The following ELMO1 variants were observed in gnomAD, a reference collection of about 807,000 sequenced individuals.
ELMO1 encodes engulfment and cell motility protein 1.
Under a neutral mutation model 98.9 loss-of-function variants are expected in ELMO1, and 26 were observed. The ratio of observed to expected loss-of-function variants is 0.26; its 90% CI spans 0.19 to 0.36. ELMO1 has a LOEUF of 0.36. Ranked by LOEUF, ELMO1 falls within the 10% of genes least tolerant of loss-of-function variation. The pLI is 1.00. For synonymous variants in ELMO1, 346 were observed against 346.0 expected (o/e 1.00, Z 0.00); for missense variants, 627 against 935.2 (o/e 0.67, Z 4.30).
At position 37,375,942 on chromosome 7, in the gene ELMO1, A is replaced by G. The variant is rs1583649129; in HGVS notation, c.-73-33179T>C. ...CTGTGCCTCCTGGTGCCAACAAGAAAGTAGAGGCTGGGGCTGGGTCAGCAA... is the reference window on the plus strand; with the variant it reads ...CTGTGCCTCCTGGTGCCAACAAGAAGGTAGAGGCTGGGGCTGGGTCAGCAA... On this transcript the variant is annotated intron_variant, in intron 1 of 21. Coordinates refer to ENST00000310758, the MANE Select transcript of ELMO1 (RefSeq NM_014800.11). The G allele has an allele frequency of 4.8e-6, 3 of 629,292 alleles. No homozygotes were observed. The South Asian group carries it at 5.0e-5, about 10-fold the overall frequency. The allele number at this position is 629,292 out of a possible 1,614,324, so 39.0% of individuals were successfully genotyped here.
intron 11 of ELMO1, among the ~76,000 whole-genome samples, chr7:37,214,784 A>G (rs1468457511): frequency 6.6e-6 from 1 of 152,188 alleles, no homozygotes; most frequent in Non-Finnish European, 1.5e-5. Flanking sequence ...TTTCTTAGCA[A>G]CTCGAAAGTA....
intron 14 of ELMO1, among the ~76,000 whole-genome samples, chr7:37,111,098 G>A (rs1169879019): frequency 1.3e-5 from 2 of 152,160 alleles, no homozygotes; most frequent in East Asian, 3.8e-4. Context: ...ATCCTCTTTT[G>A]TTTGTACCTC....
At chr7:37,238,453 T>G (rs1331063494) in intron 7 of ELMO1, among the ~76,000 whole-genome samples, 2 of 152,204 alleles carry the variant, frequency 1.3e-5, no homozygotes, top group Non-Finnish European at 2.9e-5. Flanking sequence ...GCAGTTTCTT[T>G]GTAGATTCCT....
chr7:37,379,031 C>T (rs1325005882), intron 1 of ELMO1, among the ~76,000 whole-genome samples: 2 of 150,258 alleles, frequency 1.3e-5, no homozygotes, highest in African/African-American at 4.9e-5. Flanking sequence ...CTTTATCTTG[C>T]ATCACATTCT....
intron 16 of ELMO1, among the ~76,000 whole-genome samples, chr7:36,925,764 A>C (rs1335824411): frequency 6.6e-6 from 1 of 152,206 alleles, no homozygotes; most frequent in Non-Finnish European, 1.5e-5. Context: ...CCTGGCTATT[A>C]CCTCTGACAA....
chr7:36,913,870 C>A (rs1784505733), intron 16 of ELMO1, among the ~76,000 whole-genome samples: 1 of 152,154 alleles, frequency 6.6e-6, no homozygotes, highest in Admixed American at 6.5e-5. Context: ...CTTTGACAGT[C>A]TCTCAATATA....
intron 13 of ELMO1, among the ~76,000 whole-genome samples, chr7:37,159,634 G>A (rs1348408831): frequency 6.6e-6 from 1 of 152,110 alleles, no homozygotes; most frequent in African/African-American, 2.4e-5. Context: ...AGGAGGCAGA[G>A]GTTGCTGTGA....
rs539811916 is a variant in ELMO1, at chr7:37,342,822, T to G, written c.-73-59A>C. On this transcript the variant is annotated intron_variant, in intron 1 of 21. Transcript: ENST00000310758. The surrounding 1 kb of genome is among the most constrained non-coding windows in gnomAD (Gnocchi z 4.3). ...CACTCAGTGCAGATGCAGGGTGAAT[T>G]TTGCTTCATCACTTCCTGTTTTCAC... 3.6e-6 allele frequency: 3 copies of G among 830,068 alleles called. No individual in the cohort carries two copies. The South Asian group carries it at 5.5e-5, about 15-fold the overall frequency. 51.4% of individuals were successfully genotyped at this position (830,068 alleles called of 1,614,324 possible). A position where few individuals can be genotyped will look rare whatever the true frequency, so the allele number is the denominator to read the frequency against.
chr7:37,133,332 G>T, intron 13 of ELMO1, 98 bp from the exon 14 acceptor site: 1 of 835,852 alleles, frequency 1.2e-6, no homozygotes, highest in Admixed American at 2.7e-5. Flanking sequence ...AGTGCTACAA[G>T]GTAAGGTCCA....
intron 16 of ELMO1, among the ~76,000 whole-genome samples, chr7:36,954,260 A>G (rs762756628): frequency 2.6e-5 from 4 of 152,168 alleles, no homozygotes; most frequent in Non-Finnish European, 5.9e-5. Context: ...GAGGTTTGGA[A>G]AGTAAGGGAA....
chr7:37,231,573 CTGT>C (rs1794178681), intron 8 of ELMO1, among the ~76,000 whole-genome samples: 2 of 152,146 alleles, frequency 1.3e-5, no homozygotes, highest in African/African-American at 4.8e-5. Flanking sequence ...AAATAACTGA[CTGT>C]TAACTTTCAA....
chr7:37,228,668 G>A (rs181859320), intron 8 of ELMO1, among the ~76,000 whole-genome samples: 1 of 152,306 alleles, frequency 6.6e-6, no homozygotes, highest in African/African-American at 2.4e-5. Context: ...GAATCACTTA[G>A]AATGAGATCT....
chr7:36,998,107 T>C (rs1792356553), intron 16 of ELMO1, among the ~76,000 whole-genome samples: 1 of 151,618 alleles, frequency 6.6e-6, no homozygotes, highest in Non-Finnish European at 1.5e-5. Context: ...GGTATATTTT[T>C]AGGCTGAAGA....
chr7:37,168,441 C>T (rs955920577), intron 13 of ELMO1, among the ~76,000 whole-genome samples: 7 of 152,144 alleles, frequency 4.6e-5, no homozygotes, highest in Admixed American at 2.0e-4. Context: ...AGTTTTTCTG[C>T]TCTGTTTTTT....
intron 16 of ELMO1, among the ~76,000 whole-genome samples, chr7:37,004,120 TA>T (rs1300556569): frequency 6.6e-6 from 1 of 152,220 alleles, no homozygotes; most frequent in Non-Finnish European, 1.5e-5. Flanking sequence ...CACCTAATGG[TA>T]CCCTTCTTAG....
intron 15 of ELMO1, among the ~76,000 whole-genome samples, chr7:37,074,450 A>T (rs567273701): frequency 6.6e-6 from 1 of 152,334 alleles, no homozygotes; most frequent in African/African-American, 2.4e-5. Flanking sequence ...TCACCAGATC[A>T]ATAAACTCCC....
chr7:37,159,681 A>G (rs904814139), intron 13 of ELMO1, among the ~76,000 whole-genome samples: 1 of 152,178 alleles, frequency 6.6e-6, no homozygotes, highest in African/African-American at 2.4e-5. Flanking sequence ...CCAGGGTGAC[A>G]CAGCGAGACT....
At chr7:36,956,425 T>C (rs1447465454) in intron 16 of ELMO1, among the ~76,000 whole-genome samples, 3 of 152,200 alleles carry the variant, frequency 2.0e-5, no homozygotes, top group Non-Finnish European at 4.4e-5. Context: ...TCAGAAACTT[T>C]CAAAACAAGG....
intron 18 of ELMO1, among the ~76,000 whole-genome samples, chr7:36,883,523 G>A (rs1424286569): frequency 6.6e-6 from 1 of 152,146 alleles, no homozygotes; most frequent in Non-Finnish European, 1.5e-5. Flanking sequence ...ATGTTTTAGC[G>A]CCATCCTCCC....
Sources: gnomAD v4.1 joint callset for allele counts (sites outside exome capture counted in the v4.1 genomes callset) on GRCh38, gnomAD v4.1.1 for gene constraint, Gnocchi (gnomAD v3.1) non-coding constraint, MANE v1.5 for transcripts, NCBI Gene and HGNC (gene_info 2026-07-23, HGNC 2026-07-21) for gene names.